Variants in TAFA2 observed in about 807,000 individuals in gnomAD.
The protein encoded by TAFA2 is chemokine-like protein TAFA-2.
In TAFA2, 7 loss-of-function variants were observed where a neutral mutation model predicts 18.8. That is an observed-to-expected ratio of 0.37 (90% CI 0.21 to 0.70). TAFA2 has a LOEUF of 0.70. Ranked by LOEUF, TAFA2 falls within the 30% of genes least tolerant of loss-of-function variation. The pLI, the probability that TAFA2 is intolerant of heterozygous loss-of-function variation, is 0.53. For missense variants in TAFA2, 122 were observed against 158.1 expected, an observed-to-expected ratio of 0.77 and a Z score of 1.23; for synonymous variants, 60 against 54.2, an observed-to-expected ratio of 1.11 and a Z score of -0.47.
At chr12:62,016,524 C>A (rs1195429131) in intron 1 of TAFA2, among the ~76,000 whole-genome samples, 1 of 152,190 alleles carries the variant, frequency 6.6e-6, no homozygotes, top group Non-Finnish European at 1.5e-5. Flanking sequence ...TTAACTCTGT[C>A]TGAACACTCC....
At chr12:62,234,059 A>G (rs1396791574) in intron 1 of TAFA2, among the ~76,000 whole-genome samples, 6 of 152,214 alleles carry the variant, frequency 3.9e-5, no homozygotes, top group Admixed American at 3.9e-4. Context: ...GGGTGCCTTC[A>G]TACACCTCTG....
At chr12:62,027,219 T>G (rs2136740084) in intron 1 of TAFA2, among the ~76,000 whole-genome samples, 1 of 152,294 alleles carries the variant, frequency 6.6e-6, no homozygotes, top group Admixed American at 6.5e-5. Flanking sequence ...AAGTTACTAT[T>G]TTGAAATGCA....
intron 4 of TAFA2, among the ~76,000 whole-genome samples, chr12:61,752,142 A>C (rs1178332331): frequency 6.6e-6 from 1 of 151,984 alleles, no homozygotes; most frequent in Non-Finnish European, 1.5e-5. Flanking sequence ...TGGTTTACTC[A>C]TCTGTAAAAG....
At chr12:61,882,971 T>C (rs1315015037) in intron 1 of TAFA2, among the ~76,000 whole-genome samples, 2 of 152,340 alleles carry the variant, frequency 1.3e-5, no homozygotes, top group Non-Finnish European at 2.9e-5. Flanking sequence ...AAAAATATAT[T>C]ATCTACAAAG....
At chr12:62,166,207 T>G (rs2062438529) in intron 1 of TAFA2, among the ~76,000 whole-genome samples, 1 of 152,156 alleles carries the variant, frequency 6.6e-6, no homozygotes, top group Non-Finnish European at 1.5e-5. Flanking sequence ...AAATTTAAAT[T>G]ATACTGAAAC....
upstream of TAFA2, among the ~76,000 whole-genome samples, chr12:62,194,578 A>G (rs892815376): frequency 4.6e-5 from 7 of 152,242 alleles, no homozygotes; most frequent in African/African-American, 1.7e-4. Context: ...TATGATGCTG[A>G]AATTCTATCA....
intron 1 of TAFA2, among the ~76,000 whole-genome samples, chr12:61,944,563 C>A: frequency 9.1e-6 from 1 of 109,894 alleles, no homozygotes. Flanking sequence ...GCTAGCAAGA[C>A]TAATAAAGAA....
At position 61,732,757 on chromosome 12, in the gene TAFA2, G is replaced by A. The variant is rs570377154; in HGVS notation, c.384+20865C>T. 1.5e-4 allele frequency among the ~76,000 whole-genome samples: 22 copies of A among 151,342 alleles called. No homozygotes were observed. The South Asian group carries it at 2.1e-3, about 14-fold the overall frequency. On this transcript the variant is annotated intron_variant, in intron 4 of 4. Coordinates refer to ENST00000416284, the MANE Select transcript of TAFA2 (RefSeq NM_178539.5). Reference sequence around the variant, plus strand: ...TTTGTGTGTGTGTGTGTGTGTGTGCGTGCGTGCGTGCATGTGTTAAGCAAC... The same window carrying A: ...TTTGTGTGTGTGTGTGTGTGTGTGCATGCGTGCGTGCATGTGTTAAGCAAC...
chr12:61,939,972 C>T (rs1292932834), intron 1 of TAFA2, among the ~76,000 whole-genome samples: 1 of 152,216 alleles, frequency 6.6e-6, no homozygotes, highest in South Asian at 2.1e-4. Flanking sequence ...TTGTCTTACT[C>T]AGCTTCCTCA....
chr12:61,851,227 G>A (rs1017617403), intron 2 of TAFA2, among the ~76,000 whole-genome samples: 4 of 152,112 alleles, frequency 2.6e-5, no homozygotes, highest in Admixed American at 1.3e-4. Flanking sequence ...ATATAACAGG[G>A]AAACTAACCT....
chr12:61,741,253 T>C (rs1377994940), intron 4 of TAFA2, among the ~76,000 whole-genome samples: 1 of 151,862 alleles, frequency 6.6e-6, no homozygotes, highest in African/African-American at 2.4e-5. Context: ...TTCCCCTGTC[T>C]CTCCTCTCTC....
intron 1 of TAFA2, among the ~76,000 whole-genome samples, chr12:62,044,924 A>G (rs1242371383): frequency 1.3e-5 from 2 of 152,192 alleles, no homozygotes; most frequent in Non-Finnish European, 2.9e-5. Context: ...AAAATTTGGC[A>G]GAGAAGCACC....
intron 1 of TAFA2, among the ~76,000 whole-genome samples, chr12:62,133,729 T>C (rs1423696750): frequency 6.6e-6 from 1 of 152,088 alleles, no homozygotes; most frequent in African/African-American, 2.4e-5. Context: ...CCTGGTTTAA[T>C]TGTTTGTCCT....
intron 2 of TAFA2, among the ~76,000 whole-genome samples, chr12:61,792,624 A>C (rs1279595167): frequency 4.0e-5 from 6 of 151,582 alleles, no homozygotes; most frequent in Non-Finnish European, 7.4e-5. Context: ...AAACATAGAA[A>C]ACTGATGTGA....
chr12:62,215,825 A>G (rs941589812), intron 1 of TAFA2, among the ~76,000 whole-genome samples: 1 of 150,600 alleles, frequency 6.6e-6, no homozygotes, highest in Non-Finnish European at 1.5e-5. Flanking sequence ...TTGGTTTCTT[A>G]TTTGTAGACA....
chr12:62,212,705 G>C (rs1359660734), intron 1 of TAFA2, among the ~76,000 whole-genome samples: 1 of 152,124 alleles, frequency 6.6e-6, no homozygotes, highest in Non-Finnish European at 1.5e-5. Flanking sequence ...ACTAATAAAA[G>C]CGAAACATTT....
chr12:61,978,200 A>C (rs904988964), intron 1 of TAFA2, among the ~76,000 whole-genome samples: 1 of 152,208 alleles, frequency 6.6e-6, no homozygotes, highest in South Asian at 2.1e-4. Flanking sequence ...TAATGTATAC[A>C]AAATACTAAG....
chr12:62,239,727 C>A (rs1188531310), intron 1 of TAFA2, among the ~76,000 whole-genome samples: 1 of 152,182 alleles, frequency 6.6e-6, no homozygotes, highest in African/African-American at 2.4e-5. Flanking sequence ...TATGCAACAG[C>A]CAGTATTAAC....
chr12:61,808,502 C>T (rs1002145301), intron 2 of TAFA2, among the ~76,000 whole-genome samples: 1 of 151,344 alleles, frequency 6.6e-6, no homozygotes, highest in Non-Finnish European at 1.5e-5. Flanking sequence ...CCTGTAGTAA[C>T]TCCATGGGAA....
Sources: gnomAD v4.1 joint callset for allele counts (sites outside exome capture counted in the v4.1 genomes callset) on GRCh38, gnomAD v4.1.1 for gene constraint, MANE v1.5 for transcripts, NCBI Gene and HGNC (gene_info 2026-07-23, HGNC 2026-07-21) for gene names.